The following ECPAS variants were observed in gnomAD, a reference collection of about 807,000 sequenced individuals.
The protein encoded by ECPAS is Ecm29 proteasome adaptor and scaffold, also known as proteasome adapter and scaffold protein ECM29.
In ECPAS, 70 loss-of-function variants were observed where a neutral mutation model predicts 255.1. That is an observed-to-expected ratio of 0.27 (90% confidence interval 0.23 to 0.33). ECPAS has a LOEUF of 0.33. ECPAS is among the 10% of genes least tolerant of loss of function. The pLI is 1.00. For synonymous variants in ECPAS, 784 were observed against 775.0 expected (o/e 1.01, Z -0.19); for missense variants, 1,817 against 2,206.4 (o/e 0.82, Z 3.54).
chr9:111,440,322 C>T, intron 6 of ECPAS, 50 bp downstream of exon 6: 1 of 1,506,994 alleles, frequency 6.6e-7, no homozygotes, highest in Non-Finnish European at 9.0e-7. Context: ...TACTTAACTC[C>T]CCGTAGTAAA....
chr9:111,418,306 C>T (rs867338269), intron 16 of ECPAS, among the ~76,000 whole-genome samples: 1 of 152,094 alleles, frequency 6.6e-6, no homozygotes, highest in East Asian at 1.9e-4. Flanking sequence ...TGCTTTACCT[C>T]GTAGAGTTAA....
chr9:111,419,876 A>G, intron 16 of ECPAS, 141 bp downstream of exon 16: 2 of 573,204 alleles, frequency 3.5e-6, no homozygotes. Flanking sequence ...GTACAGGTCT[A>G]TATCACATCA....
At chr9:111,473,467 G>C (rs1172372058) in intron 1 of ECPAS, among the ~76,000 whole-genome samples, 2 of 152,084 alleles carry the variant, frequency 1.3e-5, no homozygotes, top group Non-Finnish European at 2.9e-5. Flanking sequence ...ACCTCTCTTA[G>C]CACTCTTCAT....
chr9:111,437,395 C>T lies in ECPAS; in HGVS notation c.540-287G>A, dbSNP rs138905621. Among the ~76,000 whole-genome samples, 428 of 152,296 alleles carry T rather than the reference C, an allele frequency of 2.8e-3. 5 individuals carry two copies. Among genetic ancestry groups the T allele is most frequent in the African/African-American group, 9.9e-3 (411 of 41,560 alleles). ...ATCACTCTCAATCTATAAATGATTGCTCTAATGGCTACTCCAGAATCACAT... is the reference window on the plus strand; with the variant it reads ...ATCACTCTCAATCTATAAATGATTGTTCTAATGGCTACTCCAGAATCACAT... On this transcript the variant is annotated intron_variant, in intron 6 of 49. Coordinates refer to ENST00000684092, the MANE Select transcript of ECPAS (RefSeq NM_001364929.1).
intron 12 of ECPAS, among the ~76,000 whole-genome samples, 197 bp downstream of exon 12, chr9:111,425,221 A>T (rs537388699): frequency 6.6e-6 from 1 of 152,168 alleles, no homozygotes; most frequent in African/African-American, 2.4e-5. Flanking sequence ...ACCTCATATC[A>T]GTTTTTAACA....
At chr9:111,364,713 A>G (rs1304221503) in intron 48 of ECPAS, among the ~76,000 whole-genome samples, 1 of 152,250 alleles carries the variant, frequency 6.6e-6, no homozygotes, top group Non-Finnish European at 1.5e-5. Flanking sequence ...GTAACTATCC[A>G]GTAGAGAAAA....
chr9:111,391,872 C>T (rs767707046), intron 28 of ECPAS, 48 bp from the exon 29 acceptor site: 4 of 1,141,166 alleles, frequency 3.5e-6, no homozygotes, highest in Non-Finnish European at 3.9e-6. Flanking sequence ...TTCATACCAA[C>T]ATTCAACTAG....
intron 18 of ECPAS, 102 bp downstream of exon 18, chr9:111,416,170 G>A: frequency 2.7e-6 from 2 of 751,836 alleles, no homozygotes; most frequent in East Asian, 5.2e-5. Context: ...CCACAATATG[G>A]GTTTACCTAA....
At chr9:111,468,989 C>A (rs1034419132) in intron 2 of ECPAS, among the ~76,000 whole-genome samples, 5 of 152,152 alleles carry the variant, frequency 3.3e-5, no homozygotes, top group African/African-American at 1.2e-4. Flanking sequence ...AAGTTAAAGT[C>A]CACTTCATCT....
rs560234168 is a variant in ECPAS at position 111,414,729 on chromosome 9, T to C, written c.1765-78A>G. 26 of 1,269,854 alleles carry C rather than the reference T, an allele frequency of 2.0e-5. No individual in the cohort carries two copies. In the South Asian group the frequency reaches 3.5e-4, roughly 17 times the overall value. The allele number at this position is 1,269,854 out of a possible 1,614,324, so 78.7% of individuals were successfully genotyped here. A position where few individuals can be genotyped will look rare whatever the true frequency, so the allele number is the denominator to read the frequency against. ...GGGAAGGTACTCTTCAAAGTAACAA[T>C]TTCTAGTTTTGATTCACCCACACTT... On this transcript the variant is annotated intron_variant, in intron 18 of 49. Transcript: ENST00000684092.
At chr9:111,466,032 CA>C (rs1050074650) in intron 2 of ECPAS, among the ~76,000 whole-genome samples, 86 of 133,674 alleles carry the variant, frequency 6.4e-4, no homozygotes, top group South Asian at 4.7e-4. Context: ...GACCCTGTCC[CA>C]AAAAAAAAAA....
chr9:111,369,045 C>T lies in ECPAS; in HGVS notation c.5103G>A (p.Ala1701=), dbSNP rs748455418. 90 of 1,585,726 alleles carry T rather than the reference C, an allele frequency of 5.7e-5. No homozygotes were observed. Among genetic ancestry groups the T allele is most frequent in the Non-Finnish European group, 7.3e-5 (86 of 1,170,352 alleles). Residue 1701 remains alanine (A), a synonymous_variant, in exon 46 of 50, where the codon GCG becomes GCA. Coordinates refer to ENST00000684092, the MANE Select transcript of ECPAS (RefSeq NM_001364929.1). The part of the protein sequence containing the change: ...ESLGKAWPRN[A]ETQRCYRQEL... ...GTTTCTGGTGCTTACGTTGGGTCTC[C>T]GCGTTTCGCGGCCAGGCTTTGCCCA...
chr9:111,474,568 A>G (rs1301212635), intron 1 of ECPAS, among the ~76,000 whole-genome samples: 5 of 152,192 alleles, frequency 3.3e-5, no homozygotes, highest in Non-Finnish European at 5.9e-5. Context: ...CGTACAAAAC[A>G]GACCTACTCA....
chr9:111,433,572 TA>T (rs1253192457), intron 7 of ECPAS, among the ~76,000 whole-genome samples, 200 bp from the exon 8 acceptor site: 2 of 152,164 alleles, frequency 1.3e-5, no homozygotes, highest in Admixed American at 1.3e-4. Flanking sequence ...CTCACAATAA[TA>T]AATCAATCAT....
chr9:111,454,655 CA>C (rs556073762), intron 2 of ECPAS, among the ~76,000 whole-genome samples: 2 of 150,242 alleles, frequency 1.3e-5, no homozygotes, highest in African/African-American at 2.4e-5. Flanking sequence ...TCAAGTTTCA[CA>C]AAAAAGAAGA....
intron 2 of ECPAS, among the ~76,000 whole-genome samples, chr9:111,453,335 G>A (rs1460085536): frequency 6.6e-6 from 1 of 152,000 alleles, no homozygotes; most frequent in African/African-American, 2.4e-5. Context: ...GACGATAGAA[G>A]GAACAAAATA....
chr9:111,414,027 T>C, intron 19 of ECPAS, 41 bp from the exon 20 acceptor site: 1 of 1,354,906 alleles, frequency 7.4e-7, no homozygotes, highest in Non-Finnish European at 1.0e-6. Context: ...TCAAGAAAAG[T>C]AATGAACATA....
intron 48 of ECPAS, among the ~76,000 whole-genome samples, chr9:111,364,649 T>C (rs915703744): frequency 2.6e-5 from 4 of 152,216 alleles, no homozygotes; most frequent in Non-Finnish European, 5.9e-5. Context: ...ATTACTTGAA[T>C]GATCTTAAGA....
In ECPAS at chr9:111,470,521, G is replaced by A. The variant is rs1400801226; in HGVS notation, c.22+2376C>T. On this transcript the variant is annotated intron_variant, in intron 2 of 49. Transcript: ENST00000684092. ...GAGATGGGGTTTCACTGTGTTACCC[G>A]TGATGGTCTCAAACTCCTGACCTCG... Among the ~76,000 whole-genome samples the A allele has an allele frequency of 5.3e-5, 8 of 151,940 alleles. No individual in the cohort carries two copies. In the South Asian group the frequency reaches 6.2e-4, roughly 12 times the overall value.
Sources: allele counts gnomAD v4.1 joint callset (sites outside exome capture counted in the v4.1 genomes callset), GRCh38; gene constraint gnomAD v4.1.1; transcripts MANE v1.5; gene names NCBI Gene and HGNC (gene_info 2026-07-23, HGNC 2026-07-21).